The following ZNF710 variants were observed in gnomAD, a reference collection of about 807,000 sequenced individuals.
ZNF710 encodes zinc finger protein 710.
A neutral mutation model predicts 50.6 loss-of-function variants in ZNF710; 13 were observed. That is an observed-to-expected ratio of 0.26 (90% CI 0.17 to 0.41). The LOEUF (loss-of-function observed/expected upper bound fraction) is 0.41. ZNF710 is among the 10% of genes least tolerant of loss of function. ZNF710 has a pLI of 1.00. For synonymous variants in ZNF710, 383 were observed against 397.0 expected (o/e 0.96, Z 0.42); for missense variants, 721 against 936.6 (o/e 0.77, Z 3.01).
intron 1 of ZNF710, among the ~76,000 whole-genome samples, chr15:90,019,168 A>G (rs931659848): frequency 7.5e-6 from 1 of 133,158 alleles, no homozygotes; most frequent in Non-Finnish European, 1.6e-5. Flanking sequence ...TGTTTGTACC[A>G]TCTTATTACT....
At chr15:90,047,186 GGCACCTA>G (rs1281119802) in intron 1 of ZNF710, among the ~76,000 whole-genome samples, 1 of 152,158 alleles carries the variant, frequency 6.6e-6, no homozygotes, top group East Asian at 1.9e-4. Flanking sequence ...CAGGTGGCAG[GGCACCTA>G]GCAGTCGATT....
At chr15:90,017,337 G>A (rs528713411) in intron 1 of ZNF710, among the ~76,000 whole-genome samples, 9 of 152,262 alleles carry the variant, frequency 5.9e-5, no homozygotes, top group East Asian at 3.9e-4. Context: ...AATGCTGTAT[G>A]GAGAACAAAG....
At chr15:90,018,395 T>C (rs1898514573) in intron 1 of ZNF710, among the ~76,000 whole-genome samples, 1 of 152,156 alleles carries the variant, frequency 6.6e-6, no homozygotes, top group Non-Finnish European at 1.5e-5. Context: ...CTTGAACTCC[T>C]GACTTCAGGT....
intron 4 of ZNF710, chr15:90,076,130 T>C (rs2939850): frequency 0.25 from 38,693 of 152,176 alleles, 5,728 homozygotes; most frequent in East Asian, 0.65. Context: ...AGGGACCTCA[T>C]GTTGAGAACC....
chr15:89,999,188 T>C (rs1031086027), upstream of ZNF710, among the ~76,000 whole-genome samples: 3 of 152,238 alleles, frequency 2.0e-5, no homozygotes, highest in Admixed American at 6.5e-5. Context: ...CTGACCACCT[T>C]AGTCCAAGCA....
chr15:90,067,354 G>A lies in ZNF710; in HGVS notation c.217G>A (p.Gly73Arg), dbSNP rs756446282. ...CGACGTCTACCAGCTGGCCTGCAAC[G>A]GGAGGGCCTTGGAGGAGCCGGCGGA... ...GPDVYQLACN[G>R]RALEEPAEEE... is the part of the protein sequence containing the mutation. The change falls in exon 2 of 5, where the codon GGG (glycine) becomes AGG (arginine). Residue 73 changes from glycine to arginine, a missense_variant. Gly to Arg is a moderately radical substitution (Grantham distance 125). Coordinates refer to ENST00000268154, the MANE Select transcript of ZNF710 (RefSeq NM_198526.4). This position sits in a 1 kb window ranked among gnomAD's most constrained non-coding sequence, Gnocchi z 8.1. 12 of 1,599,690 alleles carry A rather than the reference G, an allele frequency of 7.5e-6. No homozygotes were observed. The highest frequency in any genetic ancestry group is 6.8e-5 in the East Asian group (3 of 44,150).
At chr15:90,055,908 A>G (rs1311003768) in intron 1 of ZNF710, among the ~76,000 whole-genome samples, 1 of 152,116 alleles carries the variant, frequency 6.6e-6, no homozygotes. Flanking sequence ...TGAGGTCAGG[A>G]GTTCAAGACC....
At chr15:90,066,377 T>C (rs1167198355) in intron 1 of ZNF710, among the ~76,000 whole-genome samples, 1 of 152,182 alleles carries the variant, frequency 6.6e-6, no homozygotes, top group Non-Finnish European at 1.5e-5. Context: ...TGTGTTAGAA[T>C]GTGGCACATA....
rs1034339638 is a variant in ZNF710 at position 90,059,059 on chromosome 15, G to T, written c.-28-8051G>T. ...CCGGGCACCATAGCTTAGCCAAGAT[G>T]ACGCATATGATTTACCACGACAGTG... On this transcript the variant is annotated intron_variant, in intron 1 of 4. Coordinates refer to ENST00000268154, the MANE Select transcript of ZNF710 (RefSeq NM_198526.4). This position sits in a 1 kb window ranked among gnomAD's most constrained non-coding sequence, Gnocchi z 4.1. Among the ~76,000 whole-genome samples, 2 of 152,338 alleles carry T rather than the reference G, an allele frequency of 1.3e-5. No individual in the cohort carries two copies. Among genetic ancestry groups the T allele is most frequent in the Middle Eastern group, 3.4e-3 (1 of 294 alleles).
intron 1 of ZNF710, among the ~76,000 whole-genome samples, chr15:90,065,259 G>A (rs765330486): frequency 9.9e-5 from 15 of 152,166 alleles, no homozygotes; most frequent in Admixed American, 3.3e-4. Flanking sequence ...GCCCGGAGCC[G>A]GTTTCCTGAG....
intron 1 of ZNF710, among the ~76,000 whole-genome samples, chr15:90,026,273 A>T (rs1410333044): frequency 2.6e-5 from 4 of 151,072 alleles, no homozygotes; most frequent in Non-Finnish European, 5.9e-5. Context: ...CAACAACAAA[A>T]AAAAAAAAGG....
At chr15:90,077,889 A>G (rs114470132) in intron 4 of ZNF710, among the ~76,000 whole-genome samples, 2,010 of 149,322 alleles carry the variant, frequency 0.013, 39 homozygotes, top group African/African-American at 0.044. Flanking sequence ...AGCCTTGGCA[A>G]TAGAGCAAGA....
intron 1 of ZNF710, among the ~76,000 whole-genome samples, chr15:90,008,632 T>TA (rs1369226333): frequency 6.6e-6 from 1 of 150,516 alleles, no homozygotes; most frequent in East Asian, 1.9e-4. Context: ...AAAAGTTTTA[T>TA]AAATCAGTCG....
intron 4 of ZNF710, among the ~76,000 whole-genome samples, chr15:90,077,153 T>C (rs1221878214): frequency 6.6e-6 from 1 of 151,526 alleles, no homozygotes; most frequent in African/African-American, 2.4e-5. Flanking sequence ...GACTATTCTC[T>C]GGGGCCCACA....
At chr15:90,038,707 C>CTGTGTGTGTGTGTGTGTGTGTGTG (rs144152063) in intron 1 of ZNF710, among the ~76,000 whole-genome samples, 27 of 143,680 alleles carry the variant, frequency 1.9e-4, no homozygotes, top group East Asian at 1.7e-3. Context: ...CCTCCCTGCT[C>CTGTGTGTGTGTGTGTGTGTGTGTG]TGTGTGTGTG....
intron 1 of ZNF710, among the ~76,000 whole-genome samples, chr15:90,015,850 A>G (rs560884900): frequency 1.3e-5 from 2 of 151,938 alleles, no homozygotes; most frequent in South Asian, 2.1e-4. Context: ...GACTCAAGCA[A>G]TCCCCCCTTC....
At chr15:90,009,598 T>C in intron 1 of ZNF710, among the ~76,000 whole-genome samples, 1 of 152,068 alleles carries the variant, frequency 6.6e-6, no homozygotes, top group South Asian at 2.1e-4. Flanking sequence ...CCCCACTGCT[T>C]GTTCCTCTGT....
At chr15:90,039,787 G>A (rs1157027379) in intron 1 of ZNF710, among the ~76,000 whole-genome samples, 5 of 152,102 alleles carry the variant, frequency 3.3e-5, no homozygotes, top group Non-Finnish European at 7.3e-5. Context: ...TGCATCTGCC[G>A]TGGTCTGGGA....
At chr15:90,066,302 G>A (rs74730421) in intron 1 of ZNF710, among the ~76,000 whole-genome samples, 290 of 152,134 alleles carry the variant, frequency 1.9e-3, no homozygotes, top group African/African-American at 6.3e-3. Flanking sequence ...ACACCTCACC[G>A]CACAGTCCCA....
Sources: allele counts gnomAD v4.1 joint callset (sites outside exome capture counted in the v4.1 genomes callset), GRCh38; gene constraint gnomAD v4.1.1; non-coding constraint Gnocchi (gnomAD v3.1); transcripts MANE v1.5; gene names NCBI Gene and HGNC (gene_info 2026-07-23, HGNC 2026-07-21).